The following CYRIA variants were observed in gnomAD, a reference collection of about 807,000 sequenced individuals.
The protein encoded by CYRIA is CYFIP-related Rac1 interactor A.
In CYRIA, 15 loss-of-function variants were observed where a neutral mutation model predicts 43.9. The observed-to-expected ratio is 0.34, with a 90% CI of 0.23 to 0.53. The LOEUF (loss-of-function observed/expected upper bound fraction) is 0.53, where lower values mean the gene tolerates loss of function less well. Among genes scored for constraint, CYRIA ranks in the 20% least tolerant of loss-of-function variants. The pLI, the probability that CYRIA is intolerant of heterozygous loss-of-function variation, is 0.94. For missense variants in CYRIA, 236 were observed against 394.2 expected (o/e 0.60, Z 3.40); for synonymous variants, 117 against 136.0 (o/e 0.86, Z 0.97).
chr2:16,639,937 C>A (rs1448731715), intron 1 of CYRIA, among the ~76,000 whole-genome samples: 1 of 152,206 alleles, frequency 6.6e-6, no homozygotes, highest in Non-Finnish European at 1.5e-5. Flanking sequence ...CTCTTTTCCA[C>A]CATAAGGGCT....
intron 1 of CYRIA, among the ~76,000 whole-genome samples, chr2:16,659,403 T>C (rs57001219): frequency 0.053 from 8,102 of 152,328 alleles, 280 homozygotes; most frequent in South Asian, 0.11. Flanking sequence ...ATAATATCTG[T>C]TTCAAACGTT....
At chr2:16,648,148 G>C (rs996441137) in intron 1 of CYRIA, among the ~76,000 whole-genome samples, 1 of 152,160 alleles carries the variant, frequency 6.6e-6, no homozygotes, top group African/African-American at 2.4e-5. Flanking sequence ...GAGTGGAGAA[G>C]TGTCCCAGGT....
rs539359943 is a variant in CYRIA at position 16,615,895 on chromosome 2, A to T, written c.-11+7969T>A. On this transcript the variant is annotated intron_variant, in intron 2 of 11. Coordinates refer to ENST00000381323, the MANE Select transcript of CYRIA (RefSeq NM_030797.4). ...GTGCAAACTGGGAGGTGCAGACAGG[A>T]CACAGGGCAGGCGCCCTCCACAGGC... Among the ~76,000 whole-genome samples, 7 of 152,320 alleles carry T rather than the reference A, an allele frequency of 4.6e-5. 1 individual carries two copies. The South Asian group carries it at 1.2e-3, about 27-fold the overall frequency.
In CYRIA at chr2:16,561,060, G is replaced by C; in HGVS notation, c.640C>G (p.Leu214Val). 6.2e-7 allele frequency: 1 copy of C among 1,613,752 alleles called. No individual in the cohort carries two copies. Among genetic ancestry groups the C allele is most frequent in the South Asian group, 1.1e-5 (1 of 91,078 alleles). The change falls in exon 9 of 12, where the codon CTG (leucine) becomes GTG (valine). Residue 214 changes from leucine to valine, a missense_variant. Around this residue, in one of 3 missense-constraint regions of CYRIA, gnomAD observed 193 missense variants for 303.9 expected, o/e 0.64. Coordinates refer to ENST00000381323, the MANE Select transcript of CYRIA (RefSeq NM_030797.4). ...TMHFVSENKT[L>V]PIENTTDCLS... is the part of the protein sequence containing the mutation. ...CAGTCTGTGGTGTTCTCTATTGGCA[G>C]AGTTTTGTTCTAAATGGGAGACACA...
At chr2:16,554,375 C>T (rs1666427033) in intron 11 of CYRIA, among the ~76,000 whole-genome samples, 1 of 152,076 alleles carries the variant, frequency 6.6e-6, no homozygotes, top group African/African-American at 2.4e-5. Flanking sequence ...CTAAAAAAAG[C>T]ATCCCCTCTC....
Position 16,562,134 on chromosome 2 carries a change from A to C in CYRIA, c.306T>G (p.Ala102=). The change falls in exon 6 of 12, where the codon GCT becomes GCG. Residue 102 remains alanine (A), a synonymous_variant. Coordinates refer to ENST00000381323, the MANE Select transcript of CYRIA (RefSeq NM_030797.4). ...FYEFSIRLEK[A]LQSLLESLTC... ...TCAGAGATTCCAATAAACTCTGAAG[A>C]GCTTTTTCTGAAAATCAAAGGGATA... The C allele has an allele frequency of 6.2e-7, 1 of 1,610,412 alleles. No homozygotes were observed. The highest frequency in any genetic ancestry group is 8.5e-7 in the Non-Finnish European group (1 of 1,178,528).
At chr2:16,553,779 T>C (rs6743149) in intron 11 of CYRIA, among the ~76,000 whole-genome samples, 63,791 of 151,896 alleles carry the variant, frequency 0.42, 15,536 homozygotes, top group East Asian at 0.73. Flanking sequence ...CTCCAGGAGG[T>C]ACAAATTCTA....
At chr2:16,558,543 G>T (rs982902606) in intron 10 of CYRIA, among the ~76,000 whole-genome samples, 2 of 152,172 alleles carry the variant, frequency 1.3e-5, no homozygotes, top group Non-Finnish European at 2.9e-5. Flanking sequence ...CTTTAAATGA[G>T]TACATGGAAT....
At chr2:16,653,039 C>A (rs1306096021) in intron 1 of CYRIA, among the ~76,000 whole-genome samples, 1 of 152,222 alleles carries the variant, frequency 6.6e-6, no homozygotes, top group African/African-American at 2.4e-5. Flanking sequence ...AAAAGCTGGG[C>A]TCTCTTTCTA....
chr2:16,586,452 A>G (rs1206610227), intron 3 of CYRIA, among the ~76,000 whole-genome samples: 2 of 152,032 alleles, frequency 1.3e-5, no homozygotes, highest in Non-Finnish European at 2.9e-5. Flanking sequence ...TTATATATCA[A>G]CTCGCTCTGC....
intron 2 of CYRIA, among the ~76,000 whole-genome samples, chr2:16,608,621 G>C (rs1419323075): frequency 6.6e-6 from 1 of 152,174 alleles, no homozygotes; most frequent in Admixed American, 6.5e-5. Flanking sequence ...AGTTTCCCTT[G>C]TTAGTAAAAT....
At chr2:16,601,325 T>A (rs111891953) in intron 2 of CYRIA, among the ~76,000 whole-genome samples, 3 of 152,244 alleles carry the variant, frequency 2.0e-5, no homozygotes, top group South Asian at 2.1e-4. Flanking sequence ...TGGGGGGGAT[T>A]CTGAGTGTGA....
chr2:16,572,762 T>A (rs1293479516), intron 3 of CYRIA, among the ~76,000 whole-genome samples: 1 of 152,228 alleles, frequency 6.6e-6, no homozygotes, highest in East Asian at 1.9e-4. Flanking sequence ...TTGGCATTCC[T>A]ATTATGTTAA....
intron 2 of CYRIA, among the ~76,000 whole-genome samples, chr2:16,605,698 T>C (rs1668373303): frequency 6.6e-6 from 1 of 152,200 alleles, no homozygotes; most frequent in Non-Finnish European, 1.5e-5. Flanking sequence ...CACCTAGAAG[T>C]TATCTCAAAT....
chr2:16,645,373 A>G (rs1212633427), intron 1 of CYRIA, among the ~76,000 whole-genome samples: 1 of 152,198 alleles, frequency 6.6e-6, no homozygotes, highest in Non-Finnish European at 1.5e-5. Context: ...CCCCTCTTTG[A>G]GCATCAGCTT....
At chr2:16,642,999 T>G (rs111865808) in intron 1 of CYRIA, among the ~76,000 whole-genome samples, 6,009 of 149,260 alleles carry the variant, frequency 0.04, 401 homozygotes, top group African/African-American at 0.14. Flanking sequence ...AAGTTATTAT[T>G]ATTATTTATA....
At chr2:16,604,824 G>A (rs1441968498) in intron 2 of CYRIA, among the ~76,000 whole-genome samples, 1 of 152,204 alleles carries the variant, frequency 6.6e-6, no homozygotes, top group African/African-American at 2.4e-5. Flanking sequence ...AAGTCATGAG[G>A]TTTTCTGTTC....
At chr2:16,644,247 T>G (rs904551728) in intron 1 of CYRIA, among the ~76,000 whole-genome samples, 1 of 152,178 alleles carries the variant, frequency 6.6e-6, no homozygotes, top group Admixed American at 6.5e-5. Flanking sequence ...AAAGTTAGAA[T>G]TGAATGCCTG....
chr2:16,654,054 C>T (rs561265605), intron 1 of CYRIA, among the ~76,000 whole-genome samples: 2 of 152,276 alleles, frequency 1.3e-5, no homozygotes, highest in East Asian at 3.9e-4. Context: ...CAGACAGATA[C>T]TGGGGAAGCC....
Sources: gnomAD v4.1 joint callset for allele counts (sites outside exome capture counted in the v4.1 genomes callset) on GRCh38, gnomAD v4.1.1 for gene constraint, gnomAD v4.1.1 regional missense constraint, MANE v1.5 for transcripts, NCBI Gene and HGNC (gene_info 2026-07-23, HGNC 2026-07-21) for gene names.